Variants in TRAPPC9 observed in about 807,000 individuals in gnomAD.
TRAPPC9 encodes the protein trafficking protein particle complex subunit 9, also known as IKK2 binding protein.
TRAPPC9 carries 83 observed loss-of-function variants against 124.0 expected under a neutral mutation model. The observed-to-expected ratio is 0.67, with a 90% CI of 0.56 to 0.80. The LOEUF (loss-of-function observed/expected upper bound fraction) is 0.80, where lower values mean the gene tolerates loss of function less well. Ranked by LOEUF, TRAPPC9 falls within the 30% of genes least tolerant of loss-of-function variation. The pLI is 0.00. For missense variants in TRAPPC9, 1,302 were observed against 1,508.3 expected (o/e 0.86, Z 2.27); for synonymous variants, 638 against 617.5 (o/e 1.03, Z -0.49).
At chr8:140,094,638 T>C (rs4276670) in intron 17 of TRAPPC9, among the ~76,000 whole-genome samples, 90,540 of 151,946 alleles carry the variant, frequency 0.6, 27,361 homozygotes, top group African/African-American at 0.68. Context: ...GAGAGGGAAG[T>C]CCTCAAGAAG....
intron 15 of TRAPPC9, among the ~76,000 whole-genome samples, chr8:140,260,673 C>A (rs1421539533): frequency 6.6e-6 from 1 of 152,206 alleles, no homozygotes; most frequent in Non-Finnish European, 1.5e-5. Context: ...CTATTAAGTC[C>A]TATCTTCTGA....
chr8:140,419,448 A>AAAAAAAAAAAAAAAAAAAAAC (rs1554683879), intron 5 of TRAPPC9, among the ~76,000 whole-genome samples: 1 of 94,772 alleles, frequency 1.1e-5, no homozygotes, highest in Non-Finnish European at 2.0e-5. Flanking sequence ...AAAAAAAAAA[A>AAAAAAAAAAAAAAAAAAAAAC]AAAACAAAAC....
intron 21 of TRAPPC9, among the ~76,000 whole-genome samples, chr8:139,791,255 G>T (rs544990383): frequency 6.6e-6 from 1 of 151,976 alleles, no homozygotes; most frequent in Admixed American, 6.6e-5. Flanking sequence ...ACTCTAACAC[G>T]CAGACTCACA....
intron 19 of TRAPPC9, among the ~76,000 whole-genome samples, chr8:139,934,300 G>A (rs1490524621): frequency 6.6e-6 from 1 of 152,128 alleles, no homozygotes; most frequent in Non-Finnish European, 1.5e-5. Context: ...GAGAGAGAGA[G>A]AGAGAAGATG....
intron 16 of TRAPPC9, among the ~76,000 whole-genome samples, chr8:140,239,424 C>G (rs549265883): frequency 5.3e-5 from 8 of 152,264 alleles, no homozygotes; most frequent in Non-Finnish European, 1.2e-4. Flanking sequence ...GCTTCTGAGG[C>G]AGTAAGAAAA....
intron 9 of TRAPPC9, among the ~76,000 whole-genome samples, chr8:140,314,862 T>C (rs1050516148): frequency 1.3e-5 from 2 of 152,264 alleles, no homozygotes; most frequent in African/African-American, 2.4e-5. Context: ...CTTAGGTTGA[T>C]TCCGTATCTT....
At chr8:139,926,215 G>T (rs996367304) in intron 19 of TRAPPC9, among the ~76,000 whole-genome samples, 1 of 152,232 alleles carries the variant, frequency 6.6e-6, no homozygotes, top group African/African-American at 2.4e-5. Context: ...GAGGAGCTGA[G>T]ATGTGACCTC....
intron 17 of TRAPPC9, among the ~76,000 whole-genome samples, chr8:140,090,901 G>A (rs897290015): frequency 6.6e-6 from 1 of 152,224 alleles, no homozygotes; most frequent in Non-Finnish European, 1.5e-5. Flanking sequence ...GCTTCTGGGT[G>A]ATACGTCTTA....
intron 15 of TRAPPC9, among the ~76,000 whole-genome samples, chr8:140,267,077 G>A (rs539412668): frequency 1.5e-4 from 15 of 98,512 alleles, no homozygotes; most frequent in Admixed American, 3.3e-4. Context: ...TCAGGAAAGC[G>A]AAGATGAGAG....
chr8:139,858,872 C>T (rs986486675), intron 21 of TRAPPC9, among the ~76,000 whole-genome samples: 2 of 150,784 alleles, frequency 1.3e-5, no homozygotes, highest in African/African-American at 2.4e-5. Context: ...AAACCTGTCC[C>T]TTTAAACACG....
At chr8:139,895,832 C>T (rs1830634325) in intron 20 of TRAPPC9, among the ~76,000 whole-genome samples, 1 of 152,224 alleles carries the variant, frequency 6.6e-6, no homozygotes, top group Non-Finnish European at 1.5e-5. Flanking sequence ...TAAAGACCTA[C>T]ATTTTGGCAT....
chr8:139,988,454 G>A (rs375756696), intron 19 of TRAPPC9, among the ~76,000 whole-genome samples: 109 of 152,184 alleles, frequency 7.2e-4, no homozygotes, highest in African/African-American at 2.4e-3. Context: ...AAAGATGCCC[G>A]GATGCTGCTG....
intron 9 of TRAPPC9, among the ~76,000 whole-genome samples, chr8:140,323,790 T>C (rs1435935584): frequency 1.3e-5 from 2 of 151,914 alleles, no homozygotes; most frequent in African/African-American, 4.8e-5. Flanking sequence ...AGAAAACAAA[T>C]ACAAGATGGT....
chr8:140,176,563 A>T (rs367583431), intron 17 of TRAPPC9, among the ~76,000 whole-genome samples: 30 of 152,156 alleles, frequency 2.0e-4, no homozygotes, highest in African/African-American at 4.3e-4. Context: ...TTATCCATTC[A>T]TCTGTTCCTG....
intron 13 of TRAPPC9, 35 bp downstream of exon 13, chr8:140,287,573 C>G (rs765761839): frequency 6.2e-7 from 1 of 1,613,902 alleles, no homozygotes; most frequent in East Asian, 2.2e-5. Flanking sequence ...TCAGCAGACC[C>G]TCCTGAGCAG....
chr8:140,275,766 C>T lies in TRAPPC9; in HGVS notation c.2170G>A (p.Val724Ile). Residue 724 changes from valine (V) to isoleucine (I), a missense_variant, in exon 15 of 23, where the codon GTC becomes ATC. Transcript: ENST00000438773. Reference protein sequence around the residue: ...SGDEISTNVSVQLYNGESQQL... With the variant: ...SGDEISTNVSIQLYNGESQQL... Reference sequence around the variant, plus strand: ...TGACTTTCTCCATTGTAAAGCTGGACAGATACATTAGTAGATATTTCATCA... The same window carrying T: ...TGACTTTCTCCATTGTAAAGCTGGATAGATACATTAGTAGATATTTCATCA... 6.2e-7 allele frequency: 1 copy of T among 1,613,318 alleles called. No individual in the cohort carries two copies. Among genetic ancestry groups the T allele is most frequent in the South Asian group, 1.1e-5 (1 of 91,042 alleles).
intron 19 of TRAPPC9, among the ~76,000 whole-genome samples, chr8:139,957,375 T>A (rs868639907): frequency 2.0e-5 from 3 of 152,176 alleles, no homozygotes; most frequent in African/African-American, 7.2e-5. Flanking sequence ...TCGCTCTACG[T>A]GTAGCCTTTT....
chr8:139,754,368 G>A (rs557070047), intron 21 of TRAPPC9, among the ~76,000 whole-genome samples: 28 of 152,340 alleles, frequency 1.8e-4, no homozygotes, highest in African/African-American at 6.0e-4. Context: ...TCCCAGGAGT[G>A]CAGCTGGTCT....
intron 18 of TRAPPC9, among the ~76,000 whole-genome samples, chr8:140,009,588 G>A (rs1278509702): frequency 1.3e-5 from 2 of 152,158 alleles, no homozygotes; most frequent in African/African-American, 4.8e-5. Context: ...GCAAGGCTTA[G>A]CCTATTTAAT....
Sources: allele counts gnomAD v4.1 joint callset (sites outside exome capture counted in the v4.1 genomes callset), GRCh38; gene constraint gnomAD v4.1.1; transcripts MANE v1.5; gene names NCBI Gene and HGNC (gene_info 2026-07-23, HGNC 2026-07-21).